The following AKNAD1 variants were observed in gnomAD, a reference collection of about 807,000 sequenced individuals.
The protein encoded by AKNAD1 is protein AKNAD1.
AKNAD1 carries 67 observed loss-of-function variants against 90.8 expected under a neutral mutation model. That is an observed-to-expected ratio of 0.74 (90% CI 0.61 to 0.90). AKNAD1 has a LOEUF of 0.90. Among genes scored for constraint, AKNAD1 ranks in the 40% least tolerant of loss-of-function variants. AKNAD1 has a pLI of 0.00. For synonymous variants in AKNAD1, 327 were observed against 341.4 expected (o/e 0.96, Z 0.46); for missense variants, 957 against 975.4 (o/e 0.98, Z 0.25).
intron 7 of AKNAD1, among the ~76,000 whole-genome samples, chr1:108,836,474 G>C (rs2101190764): frequency 6.6e-6 from 1 of 152,262 alleles, no homozygotes; most frequent in Admixed American, 6.5e-5. Flanking sequence ...TCCAGGTGCG[G>C]GGGATTGGGG....
chr1:108,852,501 T>G lies in AKNAD1; in HGVS notation c.164A>C (p.Gln55Pro), dbSNP rs757581747. The change falls in exon 2 of 16, where the codon CAA (glutamine) becomes CCA (proline). Residue 55 changes from glutamine (Q) to proline (P), a missense_variant. Physicochemically the swap from Gln to Pro is moderately conservative, Grantham distance 76 (BLOSUM62 -1). Coordinates refer to ENST00000370001, the MANE Select transcript of AKNAD1 (RefSeq NM_152763.5). Reference protein sequence around the residue: ...NQIIFIADDPQEKAMHSETCG... With the variant: ...NQIIFIADDPPEKAMHSETCG... ...AGTCTCACTATGCATAGCCTTCTCTTGAGGGTCATCTGCTATGAAAATAAT... is the reference window on the plus strand; with the variant it reads ...AGTCTCACTATGCATAGCCTTCTCTGGAGGGTCATCTGCTATGAAAATAAT... 2.5e-6 allele frequency: 4 copies of G among 1,614,054 alleles called. No homozygotes were observed. Among genetic ancestry groups the G allele is most frequent in the Non-Finnish European group, 3.4e-6 (4 of 1,180,016 alleles).
At position 108,816,133 on chromosome 1, in the gene AKNAD1, A is replaced by AT. The variant is rs11453763; in HGVS notation, c.*37dup. On this transcript the variant is annotated 3_prime_UTR_variant, in exon 16 of 16. Transcript: ENST00000370001. The stretch of plus-strand genomic sequence containing the variant: ...TGGGGGAAGATCAAGTTTTCTTTGC[A>AT]TTTTTTTCTTTTGAATCCTTGGTAG... 644,112 of 1,522,318 alleles carry AT rather than the reference A, an allele frequency of 0.42. 139,596 individuals carry two copies. The highest frequency in any genetic ancestry group is 0.45 in the Non-Finnish European group (508,418 of 1,137,390). The allele number at this position is 1,522,318 out of a possible 1,614,324, so 94.3% of individuals were successfully genotyped here.
At chr1:108,847,624 C>T (rs911156374) in intron 5 of AKNAD1, among the ~76,000 whole-genome samples, 1 of 151,968 alleles carries the variant, frequency 6.6e-6, no homozygotes, top group African/African-American at 2.4e-5. Context: ...CAGCTCCTCA[C>T]ACTGGCAGCA....
chr1:108,855,590 C>A (rs1665007942), intron 1 of AKNAD1, among the ~76,000 whole-genome samples: 1 of 151,466 alleles, frequency 6.6e-6, no homozygotes, highest in Admixed American at 6.6e-5. Flanking sequence ...AGTTCAAGAC[C>A]AGCCTGGCCA....
chr1:108,823,516 G>A, intron 12 of AKNAD1, 39 bp from the exon 13 acceptor site: 2 of 1,611,094 alleles, frequency 1.2e-6, no homozygotes, highest in Non-Finnish European at 1.7e-6. Flanking sequence ...AATTGCCTGG[G>A]AACAGTGACT....
chr1:108,836,638 C>T (rs1664395962), intron 7 of AKNAD1: 1 of 152,252 alleles, frequency 6.6e-6, no homozygotes, highest in South Asian at 2.1e-4. Flanking sequence ...ATCTTTGTCA[C>T]TTTGTCCTTC....
intron 7 of AKNAD1, 96 bp downstream of exon 7, chr1:108,837,453 TA>T (rs1557832969): frequency 8.1e-7 from 1 of 1,236,096 alleles, no homozygotes; most frequent in Non-Finnish European, 1.1e-6. Context: ...CATGAGATAT[TA>T]AAAATGGAAT....
At position 108,852,045 on chromosome 1, in the gene AKNAD1, C is replaced by A; in HGVS notation, c.620G>T (p.Ser207Ile). ...LEGPVAAGDS[S>I]HQENVNVLTK... is the part of the protein sequence containing the mutation. Reference sequence around the variant, plus strand: ...TAGAACATTCACATTTTCTTGATGGCTGCTATCTCCAGCAGCCACTGGCCC... The same window carrying A: ...TAGAACATTCACATTTTCTTGATGGATGCTATCTCCAGCAGCCACTGGCCC... Residue 207 changes from serine (S) to isoleucine (I), a missense_variant, in exon 2 of 16, where the codon AGC (serine) becomes ATC (isoleucine). Transcript: ENST00000370001. 6.2e-7 allele frequency: 1 copy of A among 1,614,076 alleles called. No homozygotes were observed. The highest frequency in any genetic ancestry group is 8.5e-7 in the Non-Finnish European group (1 of 1,180,012).
chr1:108,833,517 A>T (rs1664273587), intron 9 of AKNAD1, among the ~76,000 whole-genome samples: 1 of 152,056 alleles, frequency 6.6e-6, no homozygotes, highest in Non-Finnish European at 1.5e-5. Context: ...CAGGAGGCAG[A>T]GGTTGCAGTG....
At chr1:108,823,220 G>A in intron 13 of AKNAD1, 150 bp downstream of exon 13, 1 of 735,214 alleles carries the variant, frequency 1.4e-6, no homozygotes, top group Non-Finnish European at 2.5e-6. Context: ...GCTGGATTTG[G>A]AAGTGTCAGG....
intron 15 of AKNAD1, among the ~76,000 whole-genome samples, chr1:108,816,592 A>G (rs1570785484): frequency 1.3e-5 from 2 of 152,318 alleles, no homozygotes; most frequent in Admixed American, 1.3e-4. Context: ...GAAAGAGAAA[A>G]AAAGAACAGC....
chr1:108,852,913 C>CCG, intron 1 of AKNAD1, 146 bp from the exon 2 acceptor site: 1 of 313,472 alleles, frequency 3.2e-6, no homozygotes, highest in Non-Finnish European at 5.7e-6. Context: ...GACCCAACCT[C>CCG]AATCCACACT....
rs1255692037 is a variant in AKNAD1 at position 108,816,051 on chromosome 1, T to A, written c.*120A>T. On this transcript the variant is annotated 3_prime_UTR_variant, in exon 16 of 16. Transcript: ENST00000370001. ...TTTGTGTTACCCATTTCTTATGGTT[T>A]CTGTGTTTTCTCTAGAAAGTCATCT... 1 of 1,087,088 alleles carries A rather than the reference T, an allele frequency of 9.2e-7. No homozygotes were observed. Among genetic ancestry groups the A allele is most frequent in the Admixed American group, 2.9e-5 (1 of 34,062 alleles). 67.3% of individuals were successfully genotyped at this position (1,087,088 alleles called of 1,614,324 possible). A position where few individuals can be genotyped will look rare whatever the true frequency, so the allele number is the denominator to read the frequency against.
At chr1:108,825,268 G>A (rs1274873847) in intron 11 of AKNAD1, among the ~76,000 whole-genome samples, 3 of 151,694 alleles carry the variant, frequency 2.0e-5, no homozygotes, top group Admixed American at 1.3e-4. Flanking sequence ...GAAACTCTAA[G>A]ATGATAAATG....
chr1:108,855,196 G>A (rs1387574732), intron 1 of AKNAD1, among the ~76,000 whole-genome samples: 1 of 147,372 alleles, frequency 6.8e-6, no homozygotes, highest in Non-Finnish European at 1.5e-5. Context: ...GGTGGATCAC[G>A]AGGTCAAGAG....
At chr1:108,829,402 T>C (rs1274110264) in intron 10 of AKNAD1, among the ~76,000 whole-genome samples, 1 of 152,228 alleles carries the variant, frequency 6.6e-6, no homozygotes, top group African/African-American at 2.4e-5. Flanking sequence ...ATAAAAATGG[T>C]TCTTTAATGT....
At chr1:108,816,434 G>T in intron 15 of AKNAD1, 132 bp from the exon 16 acceptor site, 1 of 965,630 alleles carries the variant, frequency 1.0e-6, no homozygotes, top group Non-Finnish European at 1.5e-6. Flanking sequence ...GTCTATTTCT[G>T]TTTTTGAGGG....
At chr1:108,837,446 G>T (rs1664419536) in intron 7 of AKNAD1, 104 bp downstream of exon 7, 7 of 1,142,776 alleles carry the variant, frequency 6.1e-6, no homozygotes, top group Non-Finnish European at 8.6e-6. Context: ...AAATTTTCAT[G>T]AGATATTAAA....
At chr1:108,832,471 C>T (rs1183840866) in intron 9 of AKNAD1, among the ~76,000 whole-genome samples, 8 of 151,934 alleles carry the variant, frequency 5.3e-5, no homozygotes, top group South Asian at 2.1e-4. Flanking sequence ...GTGATCCACC[C>T]GCCTTGGCCT....
Sources: gnomAD v4.1 joint callset for allele counts (sites outside exome capture counted in the v4.1 genomes callset) on GRCh38, gnomAD v4.1.1 for gene constraint, MANE v1.5 for transcripts, NCBI Gene and HGNC (gene_info 2026-07-23, HGNC 2026-07-21) for gene names.